LARGE1: variants seen among roughly 807,000 people sequenced by gnomAD.
LARGE1 encodes LARGE xylosyl- and glucuronyltransferase 1, also known as xylosyl- and glucuronyltransferase LARGE1.
A neutral mutation model predicts 87.6 loss-of-function variants in LARGE1; 43 were observed. The observed-to-expected ratio is 0.49, with a 90% confidence interval of 0.38 to 0.63. LARGE1 has a LOEUF of 0.63. Ranked by LOEUF, LARGE1 falls within the 30% of genes least tolerant of loss-of-function variation. LARGE1 has a pLI of 0.00. For missense variants in LARGE1, 802 were observed against 1,000.2 expected, an observed-to-expected ratio of 0.80 and a Z score of 2.67; for synonymous variants, 434 against 394.6, an observed-to-expected ratio of 1.10 and a Z score of -1.18.
At chr22:33,621,551 T>C (rs1360438663) in intron 4 of LARGE1, among the ~76,000 whole-genome samples, 32 of 152,204 alleles carry the variant, frequency 2.1e-4, no homozygotes, top group Non-Finnish European at 3.2e-4. Flanking sequence ...AAAAGAAGCA[T>C]CCTGCACCAC....
chr22:33,899,112 G>A (rs1161097666), intron 1 of LARGE1, among the ~76,000 whole-genome samples: 2 of 151,992 alleles, frequency 1.3e-5, no homozygotes, highest in Non-Finnish European at 2.9e-5. Flanking sequence ...TCTCAATCTC[G>A]CCATGAAAAG....
At chr22:33,631,279 C>T (rs1037614277) in intron 3 of LARGE1, among the ~76,000 whole-genome samples, 1 of 152,094 alleles carries the variant, frequency 6.6e-6, no homozygotes, top group Non-Finnish European at 1.5e-5. Flanking sequence ...GCAATCTTCC[C>T]GTCTCAGCTT....
chr22:33,916,666 C>T (rs956779125), intron 1 of LARGE1, among the ~76,000 whole-genome samples: 2 of 152,148 alleles, frequency 1.3e-5, no homozygotes, highest in African/African-American at 2.4e-5. Flanking sequence ...ATCCCCCACC[C>T]CCAATGCAGT....
intron 2 of LARGE1, among the ~76,000 whole-genome samples, chr22:33,657,817 C>G (rs1013128581): frequency 1.3e-5 from 2 of 152,162 alleles, no homozygotes; most frequent in African/African-American, 4.8e-5. Context: ...TCAAATTCAA[C>G]AAACACTTGG....
At chr22:33,327,896 G>T (rs1002570386) in intron 10 of LARGE1, among the ~76,000 whole-genome samples, 1 of 152,164 alleles carries the variant, frequency 6.6e-6, no homozygotes, top group Non-Finnish European at 1.5e-5. Context: ...CACCACAAAT[G>T]CTTCAAGAAA....
intron 1 of LARGE1, among the ~76,000 whole-genome samples, chr22:33,828,048 T>A (rs1037270589): frequency 9.2e-5 from 14 of 152,088 alleles, no homozygotes; most frequent in Admixed American, 6.5e-5. Flanking sequence ...TTTGGGCAGA[T>A]GAGAAGAAAT....
At chr22:33,078,233 T>C in the LARGE1 span, among the ~76,000 whole-genome samples, 1 of 152,238 alleles carries the variant, frequency 6.6e-6, no homozygotes, top group Non-Finnish European at 1.5e-5. Context: ...ACAGATAATT[T>C]GGTTTACACC....
intron 11 of LARGE1, among the ~76,000 whole-genome samples, chr22:33,226,520 G>C (rs1427783410): frequency 1.3e-5 from 2 of 152,106 alleles, no homozygotes. Context: ...TAAAGCCACT[G>C]ACCTCTAGCC....
chr22:33,575,313 G>A (rs2078322526), intron 5 of LARGE1, among the ~76,000 whole-genome samples: 1 of 152,168 alleles, frequency 6.6e-6, no homozygotes, highest in African/African-American at 2.4e-5. Context: ...TGGATTTATG[G>A]GGAGAGAAGA....
At chr22:33,570,473 C>A (rs2078162532) in intron 5 of LARGE1, among the ~76,000 whole-genome samples, 2 of 151,870 alleles carry the variant, frequency 1.3e-5, no homozygotes, top group African/African-American at 2.4e-5. Flanking sequence ...CATGGTGAAA[C>A]CCTGTCTCTA....
chr22:33,645,203 G>A (rs1230520222), intron 3 of LARGE1, among the ~76,000 whole-genome samples: 1 of 140,020 alleles, frequency 7.1e-6, no homozygotes, highest in Non-Finnish European at 1.6e-5. Flanking sequence ...CTCCTACAAG[G>A]CTACAGTAAC....
chr22:33,080,355 T>C, the LARGE1 span, among the ~76,000 whole-genome samples: 1 of 152,228 alleles, frequency 6.6e-6, no homozygotes, highest in African/African-American at 2.4e-5. Flanking sequence ...GTAGTTTGTT[T>C]CTCACTCGTG....
Position 33,337,871 on chromosome 22 carries a change from GC to G in LARGE1, c.1132-71del, listed in dbSNP as rs1327641505. On this transcript the variant is annotated intron_variant, in intron 9 of 14. Transcript: ENST00000397394. The stretch of plus-strand genomic sequence containing the variant: ...TGGGGATCCCTCACACCTGTAGGAA[GC>G]CATGGCTCAGCACTGGGCTAAGCAT... The G allele has an allele frequency of 3.3e-6, 5 of 1,510,874 alleles. No homozygotes were observed. In the East Asian group the frequency reaches 9.0e-5, roughly 27 times the overall value. 93.6% of individuals were successfully genotyped at this position (1,510,874 alleles called of 1,614,324 possible). A position where few individuals can be genotyped will look rare whatever the true frequency, so the allele number is the denominator to read the frequency against.
At chr22:33,246,083 G>A (rs1247108561) in intron 11 of LARGE1, among the ~76,000 whole-genome samples, 2 of 152,164 alleles carry the variant, frequency 1.3e-5, no homozygotes, top group African/African-American at 4.8e-5. Flanking sequence ...CCATAGAAAT[G>A]CACCATTTTA....
intron 1 of LARGE1, among the ~76,000 whole-genome samples, chr22:33,902,581 GA>G (rs1569023626): frequency 6.6e-6 from 1 of 152,140 alleles, no homozygotes; most frequent in East Asian, 1.9e-4. Context: ...CTATTAAAGG[GA>G]AAGCAGTACC....
intron 2 of LARGE1, among the ~76,000 whole-genome samples, chr22:33,716,165 C>G (rs1569399406): frequency 1.3e-5 from 2 of 152,060 alleles, no homozygotes; most frequent in South Asian, 2.1e-4. Context: ...CCTATATCCT[C>G]AGGTTGATGA....
chr22:33,093,420 A>G, the LARGE1 span, among the ~76,000 whole-genome samples: 7 of 152,334 alleles, frequency 4.6e-5, no homozygotes. Context: ...AAAACCCAGT[A>G]ATGCTTATAT....
chr22:33,383,951 G>A (rs1259204358), intron 8 of LARGE1, among the ~76,000 whole-genome samples: 1 of 152,168 alleles, frequency 6.6e-6, no homozygotes, highest in African/African-American at 2.4e-5. Context: ...TTCTGAACTT[G>A]GCTCCTGGTA....
downstream of LARGE1, among the ~76,000 whole-genome samples, chr22:33,159,789 G>A (rs1285871122): frequency 6.6e-6 from 1 of 151,562 alleles, no homozygotes; most frequent in Non-Finnish European, 1.5e-5. Flanking sequence ...GGGTTTCACC[G>A]TGTTAGCCAG....
Sources: gnomAD v4.1 joint callset for allele counts (sites outside exome capture counted in the v4.1 genomes callset) on GRCh38, gnomAD v4.1.1 for gene constraint, MANE v1.5 for transcripts, NCBI Gene and HGNC (gene_info 2026-07-23, HGNC 2026-07-21) for gene names.